Variants in CNTLN observed in about 807,000 individuals in gnomAD.
CNTLN encodes centlein, centrosomal protein.
In CNTLN, 212 loss-of-function variants were observed where a neutral mutation model predicts 180.0. The ratio of observed to expected loss-of-function variants is 1.18; its 90% CI spans 1.05 to 1.32. The LOEUF (loss-of-function observed/expected upper bound fraction) is 1.32, where lower values mean the gene tolerates loss of function less well. Among genes scored for constraint, CNTLN ranks in the 40% most tolerant of loss-of-function variants. The probability of loss-of-function intolerance (pLI) is 0.00; values close to 1 mark genes in which losing one functional copy is unlikely to be tolerated. For synonymous variants in CNTLN, 722 were observed against 563.1 expected (o/e 1.28, Z -3.99); for missense variants, 2,095 against 1,610.9 (o/e 1.30, Z -5.14).
intron 14 of CNTLN, among the ~76,000 whole-genome samples, chr9:17,394,273 C>G (rs916822098): frequency 1.4e-4 from 22 of 152,156 alleles, no homozygotes; most frequent in Non-Finnish European, 1.5e-5. Flanking sequence ...TCAGAAGACA[C>G]TGCAGTTTAT....
At chr9:17,272,800 C>T (rs984030416) in intron 5 of CNTLN, among the ~76,000 whole-genome samples, 2 of 152,150 alleles carry the variant, frequency 1.3e-5, no homozygotes, top group East Asian at 3.9e-4. Flanking sequence ...AATACATTTA[C>T]TCCTAACTGT....
Position 17,457,612 on chromosome 9 carries a change from C to A in CNTLN, c.3203C>A (p.Ala1068Glu). 5 of 1,565,232 alleles carry A rather than the reference C, an allele frequency of 3.2e-6. No individual in the cohort carries two copies. Among genetic ancestry groups the A allele is most frequent in the Non-Finnish European group, 4.3e-6 (5 of 1,153,746 alleles). ...TCCTCATCTGAAATCACAAGTTTGG[C>A]AGAAGAAAATTCCCAGGTAACATTT... is the stretch of plus-strand genomic sequence containing the variant. ...LESSSEITSL[A>E]EENSQVTFPR... is the part of the protein sequence containing the mutation. Residue 1068 changes from alanine to glutamate, a missense_variant, in exon 19 of 26, where the codon GCA becomes GAA. Ala to Glu is a moderately radical substitution (Grantham distance 107). Transcript: ENST00000380647.
chr9:17,486,039 C>T (rs1333476446), intron 24 of CNTLN, among the ~76,000 whole-genome samples: 2 of 152,072 alleles, frequency 1.3e-5, no homozygotes, highest in Non-Finnish European at 2.9e-5. Context: ...AATCAAGTCC[C>T]TCCTGAAAGA....
At position 17,457,774 on chromosome 9, in the gene CNTLN, T is replaced by G. The variant is rs1831217677; in HGVS notation, c.3306+59T>G. 6.7e-6 allele frequency: 7 copies of G among 1,046,808 alleles called. No homozygotes were observed. The East Asian group carries it at 2.2e-4, about 32-fold the overall frequency. The allele number at this position is 1,046,808 out of a possible 1,614,324, so 64.8% of individuals were successfully genotyped here. A position where few individuals can be genotyped will look rare whatever the true frequency, so the allele number is the denominator to read the frequency against. On this transcript the variant is annotated intron_variant, in intron 19 of 25. Coordinates refer to ENST00000380647, the MANE Select transcript of CNTLN (RefSeq NM_017738.4). Reference sequence around the variant, plus strand: ...CATTATGCTTGAATCCTGCAAGACATATTTATATGAACACTAATTTATTCT... The same window carrying G: ...CATTATGCTTGAATCCTGCAAGACAGATTTATATGAACACTAATTTATTCT...
rs149720687 is a variant in CNTLN, at chr9:17,242,300, T to A, written c.849+5712T>A. 3.9e-3 allele frequency among the ~76,000 whole-genome samples: 556 copies of A among 142,470 alleles called. 2 individuals carry two copies. Among genetic ancestry groups the A allele is most frequent in the African/African-American group, 0.014 (495 of 34,792 alleles). 93.5% of individuals were successfully genotyped at this position (142,470 alleles called of 152,430 possible). A position where few individuals can be genotyped will look rare whatever the true frequency, so the allele number is the denominator to read the frequency against. On this transcript the variant is annotated intron_variant, in intron 5 of 25. Coordinates refer to ENST00000380647, the MANE Select transcript of CNTLN (RefSeq NM_017738.4). ...TTTTCACCATCAATTGAAATGATCA[T>A]GTGGTTTTTTTTTTTCCTTTTGTCT... is the stretch of plus-strand genomic sequence containing the variant.
At chr9:17,484,164 C>G (rs1419288422) in intron 23 of CNTLN, 131 bp from the exon 24 acceptor site, 4 of 722,858 alleles carry the variant, frequency 5.5e-6, no homozygotes, top group East Asian at 2.6e-5. Context: ...CCACTATATT[C>G]CAGAGTAATT....
chr9:17,437,083 A>T (rs1005431933), intron 18 of CNTLN, among the ~76,000 whole-genome samples: 1 of 152,196 alleles, frequency 6.6e-6, no homozygotes. Flanking sequence ...AGCAACATTT[A>T]TCCAGGAATT....
chr9:17,199,965 T>G (rs1429140232), intron 2 of CNTLN, among the ~76,000 whole-genome samples: 3 of 152,150 alleles, frequency 2.0e-5, no homozygotes, highest in Non-Finnish European at 4.4e-5. Flanking sequence ...GTTTTTATGG[T>G]TTTGGGTTTT....
chr9:17,318,970 T>G (rs1370323148), intron 8 of CNTLN, among the ~76,000 whole-genome samples: 1 of 152,220 alleles, frequency 6.6e-6, no homozygotes, highest in Admixed American at 6.5e-5. Context: ...ACACCATTTA[T>G]GTTTCTATGA....
intron 8 of CNTLN, among the ~76,000 whole-genome samples, chr9:17,318,028 CTTTTTTT>C (rs869093440): frequency 4.2e-5 from 6 of 144,054 alleles, no homozygotes; most frequent in African/African-American, 1.3e-4. Context: ...TTTTTCTTTT[CTTTTTTT>C]TTTTTTTTTT....
intron 20 of CNTLN, among the ~76,000 whole-genome samples, chr9:17,463,596 C>A (rs1292878193): frequency 1.3e-5 from 2 of 151,588 alleles, no homozygotes; most frequent in African/African-American, 4.8e-5. Flanking sequence ...ATGTATCTCA[C>A]AAACACACCT....
chr9:17,378,033 A>AC (rs1415395148), intron 13 of CNTLN, among the ~76,000 whole-genome samples: 6 of 152,106 alleles, frequency 3.9e-5, no homozygotes, highest in African/African-American at 1.4e-4. Context: ...TATACTCTAA[A>AC]TCAAGGAAGT....
At chr9:17,259,238 G>T (rs182794697) in intron 5 of CNTLN, among the ~76,000 whole-genome samples, 3,347 of 149,148 alleles carry the variant, frequency 0.022, 235 homozygotes, top group African/African-American at 0.081. Flanking sequence ...ATAATCATGT[G>T]GTTTTTGTCT....
intron 12 of CNTLN, among the ~76,000 whole-genome samples, chr9:17,361,302 C>G (rs1039605866): frequency 2.6e-5 from 4 of 152,040 alleles, no homozygotes; most frequent in Non-Finnish European, 5.9e-5. Flanking sequence ...TTTTTTAGCA[C>G]AGGTTTTAGA....
intron 1 of CNTLN, 113 bp from the exon 2 acceptor site, chr9:17,143,174 TA>T: frequency 1.5e-6 from 1 of 681,402 alleles, no homozygotes; most frequent in Non-Finnish European, 2.5e-6. Flanking sequence ...TCAGTTGATG[TA>T]GTTATACAAC....
chr9:17,451,913 T>C (rs1830801343), intron 18 of CNTLN, among the ~76,000 whole-genome samples: 1 of 152,204 alleles, frequency 6.6e-6, no homozygotes, highest in Admixed American at 6.5e-5. Context: ...GGATGGATAT[T>C]GTCCAGAAAA....
chr9:17,363,950 C>A (rs776984350), intron 12 of CNTLN, among the ~76,000 whole-genome samples: 1 of 151,936 alleles, frequency 6.6e-6, no homozygotes, highest in African/African-American at 2.4e-5. Context: ...TTCCTTCTGG[C>A]TTTGTTTGTT....
intron 12 of CNTLN, among the ~76,000 whole-genome samples, chr9:17,362,871 A>G (rs142740989): frequency 1.3e-4 from 19 of 151,920 alleles, no homozygotes; most frequent in Non-Finnish European, 2.5e-4. Flanking sequence ...TATTTCTCCT[A>G]ATGCTATCCC....
intron 14 of CNTLN, among the ~76,000 whole-genome samples, chr9:17,390,339 A>T (rs981052710): frequency 1.4e-5 from 2 of 138,898 alleles, no homozygotes; most frequent in African/African-American, 5.3e-5. Context: ...CCCAGGTTCA[A>T]GCGATTCTCG....
Sources: gnomAD v4.1 joint callset for allele counts (sites outside exome capture counted in the v4.1 genomes callset) on GRCh38, gnomAD v4.1.1 for gene constraint, MANE v1.5 for transcripts, NCBI Gene and HGNC (gene_info 2026-07-23, HGNC 2026-07-21) for gene names.